TTN: variants seen among roughly 807,000 people sequenced by gnomAD.
The protein encoded by TTN is titin.
TTN carries 1,525 observed loss-of-function variants against 3,223.0 expected under a neutral mutation model. The observed-to-expected ratio is 0.47, with a 90% CI of 0.45 to 0.49. The LOEUF (loss-of-function observed/expected upper bound fraction) is 0.49. Ranked by LOEUF, TTN falls within the 20% of genes least tolerant of loss-of-function variation. TTN has a pLI of 0.00. For missense variants in TTN, 40,786 were observed against 43,424.0 expected (o/e 0.94, Z 5.40); for synonymous variants, 14,094 against 15,161.0 (o/e 0.93, Z 5.17).
Position 178,533,617 on chromosome 2 carries a change from A to G in TTN, c.102998T>C (p.Val34333Ala). Residue 34333 changes from valine to alanine, a missense_variant, in exon 358 of 363, where the codon GTT becomes GCT. Val to Ala is a moderately conservative substitution (Grantham distance 64, BLOSUM62 0). Coordinates refer to ENST00000589042, the MANE Select transcript of TTN (RefSeq NM_001267550.2). Reference sequence around the variant, plus strand: ...TTCACCATATTTGTTCCTTGCCACAACAGTATATTCAGCGTCATCATCTGT... The same window carrying G: ...TTCACCATATTTGTTCCTTGCCACAGCAGTATATTCAGCGTCATCATCTGT... ...VTTDDDAEYT[V>A]VARNKYGEDS... The G allele has an allele frequency of 6.2e-7, 1 of 1,613,986 alleles. No individual in the cohort carries two copies. The highest frequency in any genetic ancestry group is 8.5e-7 in the Non-Finnish European group (1 of 1,179,878).
chr2:178,694,120 G>T, intron 117 of TTN, 112 bp from the exon 118 acceptor site: 1 of 751,388 alleles, frequency 1.3e-6, no homozygotes, highest in Admixed American at 2.8e-5. Context: ...GGGTTAATAT[G>T]GTAGCTTGAG....
Position 178,773,294 on chromosome 2 carries a change from G to A in TTN, c.7670C>T (p.Ser2557Phe). 6.2e-7 allele frequency: 1 copy of A among 1,613,922 alleles called. No homozygotes were observed. The highest frequency in any genetic ancestry group is 8.5e-7 in the Non-Finnish European group (1 of 1,179,974). Residue 2557 changes from serine to phenylalanine, a missense_variant, in exon 33 of 363, where the codon TCC (serine) becomes TTC (phenylalanine). Transcript: ENST00000589042. The part of the protein sequence containing the change: ...TQNVVFEVEL[S>F]HSGIDVLWNF... Reference sequence around the variant, plus strand: ...CCACAGGACATCAATTCCAGAGTGGGACAGCTCAACCTCAAACACCACATT... The same window carrying A: ...CCACAGGACATCAATTCCAGAGTGGAACAGCTCAACCTCAAACACCACATT...
In TTN at chr2:178,572,957, T is replaced by C; in HGVS notation, c.73175A>G (p.Asn24392Ser). Residue 24392 changes from asparagine to serine, a missense_variant, in exon 326 of 363, where the codon AAT becomes AGT. Transcript: ENST00000589042. ...TSYTITGLTENQEYKIRIYAM... is the reference protein window; with the variant it reads ...TSYTITGLTESQEYKIRIYAM... ...ATAGATGCGGATCTTATATTCCTGA[T>C]TCTCTGTGAGGCCAGTGATAGTATA... 1.9e-6 allele frequency: 3 copies of C among 1,613,258 alleles called. No homozygotes were observed. Among genetic ancestry groups the C allele is most frequent in the Non-Finnish European group, 2.5e-6 (3 of 1,179,550 alleles).
Position 178,633,551 on chromosome 2 carries a change from C to T in TTN, c.42808G>A (p.Val14270Ile), listed in dbSNP as rs1187293520. 6.2e-7 allele frequency: 1 copy of T among 1,613,400 alleles called. No individual in the cohort carries two copies. The highest frequency in any genetic ancestry group is 8.5e-7 in the Non-Finnish European group (1 of 1,179,616). ...TTGATAGAATATTTGGGTGAAGGGA[C>T]AATCTCTTCACCATCTTTGAACCAT... ...VKWFKDGEEI[V>I]PSPKYSIKAD... The change falls in exon 232 of 363, where the codon GTC becomes ATC. Residue 14270 changes from valine to isoleucine, a missense_variant. Coordinates refer to ENST00000589042, the MANE Select transcript of TTN (RefSeq NM_001267550.2).
rs778096530 is a variant in TTN, at chr2:178,559,519, G to A, written c.86613C>T (p.Asn28871=). ...AATTCTTCACTGGTGCTCCACCATC[G>A]TTTTCAGGAACATCCCAGGATAACA... ...SAVLSWDVPE[N]DGGAPVKNYH... is the part of the protein sequence containing the mutation. Residue 28871 remains asparagine (N), a synonymous_variant, in exon 326 of 363, where the codon AAC becomes AAT. Transcript: ENST00000589042. 6.2e-6 allele frequency: 10 copies of A among 1,613,584 alleles called. No homozygotes were observed. The highest frequency in any genetic ancestry group is 2.7e-5 in the African/African-American group (2 of 74,888).
chr2:178,610,850 C>T, intron 270 of TTN, 143 bp downstream of exon 270: 1 of 1,042,388 alleles, frequency 9.6e-7, no homozygotes, highest in Non-Finnish European at 1.4e-6. Context: ...TTTACTTCTC[C>T]TATGGAAAGA....
intron 43 of TTN, among the ~76,000 whole-genome samples, chr2:178,762,869 T>C (rs776089551): frequency 1.2e-4 from 19 of 152,214 alleles, no homozygotes; most frequent in Non-Finnish European, 2.4e-4. Context: ...GCCATGCCTA[T>C]AGGTGCTTTA....
intron 38 of TTN, 50 bp downstream of exon 38, chr2:178,768,623 A>G (rs1410855289): frequency 6.2e-7 from 1 of 1,611,954 alleles, no homozygotes; most frequent in Non-Finnish European, 8.5e-7. Flanking sequence ...TAAATTTTAT[A>G]AAGCATGTAT....
In TTN at chr2:178,563,231, G is replaced by A. The variant is rs780363524; in HGVS notation, c.82901C>T (p.Thr27634Ile). 2.9e-5 allele frequency: 47 copies of A among 1,613,548 alleles called. No homozygotes were observed. The highest frequency in any genetic ancestry group is 2.1e-5 in the Non-Finnish European group (25 of 1,179,714). ...TGLQGKQFTV[T>I]KLKENTEYNF... ...ATATTCAGTGTTTTCTTTAAGCTTGGTCACTGTGAACTGCTTTCCTTGTAA... is the reference window on the plus strand; with the variant it reads ...ATATTCAGTGTTTTCTTTAAGCTTGATCACTGTGAACTGCTTTCCTTGTAA... The change falls in exon 326 of 363, where the codon ACC becomes ATC. Residue 27634 changes from threonine (T) to isoleucine (I), a missense_variant. Physicochemically the swap from Thr to Ile is moderately conservative, Grantham distance 89 (BLOSUM62 -1). Coordinates refer to ENST00000589042, the MANE Select transcript of TTN (RefSeq NM_001267550.2). This position sits in a 1 kb window ranked among gnomAD's most constrained non-coding sequence, Gnocchi z 4.5.
rs555978535 is a variant in TTN at position 178,569,392 on chromosome 2, C to T, written c.76740G>A (p.Thr25580=). Reference sequence around the variant, plus strand: ...TTCCACTGCTGTTTTCTAATGTAAGCGTATATTTTCCACTATCATATCGGT... The same window carrying T: ...TTCCACTGCTGTTTTCTAATGTAAGTGTATATTTTCCACTATCATATCGGT... The part of the protein sequence containing the change: ...NVNRYDSGKY[T]LTLENSSGTK... The change falls in exon 326 of 363, where the codon ACG becomes ACA. Residue 25580 remains threonine, a synonymous_variant. Transcript: ENST00000589042. 2.5e-5 allele frequency: 41 copies of T among 1,613,166 alleles called. No individual in the cohort carries two copies. The highest frequency in any genetic ancestry group is 6.7e-5 in the Admixed American group (4 of 59,932).
In TTN at chr2:178,720,440, G is replaced by A; in HGVS notation, c.23322C>T (p.Cys7774=). 1 of 1,613,702 alleles carries A rather than the reference G, an allele frequency of 6.2e-7. No individual in the cohort carries two copies. The highest frequency in any genetic ancestry group is 1.3e-5 in the African/African-American group (1 of 75,032). Residue 7774 remains cysteine, a synonymous_variant, in exon 80 of 363, where the codon TGC becomes TGT. Coordinates refer to ENST00000589042, the MANE Select transcript of TTN (RefSeq NM_001267550.2). Reference sequence around the variant, plus strand: ...CACTTCCCACCTCATTAGTAGCTTTGCAGTGATATTCCCCGACATCGGAGG... The same window carrying A: ...CACTTCCCACCTCATTAGTAGCTTTACAGTGATATTCCCCGACATCGGAGG... ...LEASDVGEYH[C]KATNEVGSDT...
In TTN at chr2:178,730,343, C is replaced by T. The variant is rs755946549; in HGVS notation, c.18057G>A (p.Gln6019=). 1 of 1,606,640 alleles carries T rather than the reference C, an allele frequency of 6.2e-7. No individual in the cohort carries two copies. Among genetic ancestry groups the T allele is most frequent in the Non-Finnish European group, 8.5e-7 (1 of 1,175,930 alleles). Residue 6019 remains glutamine (Q), a synonymous_variant, in exon 62 of 363, where the codon CAG becomes CAA. Transcript: ENST00000589042. Reference sequence around the variant, plus strand: ...TTGTGTTGGGATTGACATCTTGTGACTGTGGCTTTTCCACAAAGTAAGGGG... The same window carrying T: ...TTGTGTTGGGATTGACATCTTGTGATTGTGGCTTTTCCACAAAGTAAGGGG... ...KEPPYFVEKP[Q]SQDVNPNTRV... is the part of the protein sequence containing the mutation.
intron 6 of TTN, among the ~76,000 whole-genome samples, chr2:178,795,515 T>G (rs1205958592): frequency 7.1e-6 from 1 of 141,308 alleles, no homozygotes; most frequent in Non-Finnish European, 1.6e-5. Flanking sequence ...CTTCTCACAT[T>G]AAAAAAAAAA....
At chr2:178,806,540 T>A (rs937879784) in intron 1 of TTN, among the ~76,000 whole-genome samples, 1 of 152,222 alleles carries the variant, frequency 6.6e-6, no homozygotes, top group Non-Finnish European at 1.5e-5. Context: ...AACAATTATA[T>A]CATTTTATTC....
chr2:178,670,895 C>A (rs1342935432), intron 156 of TTN, among the ~76,000 whole-genome samples, 195 bp downstream of exon 156: 1 of 151,898 alleles, frequency 6.6e-6, no homozygotes, highest in African/African-American at 2.4e-5. Context: ...TTAGGTATAA[C>A]AACAGTGACT....
At chr2:178,550,749 A>G (rs1699115183) in intron 336 of TTN, 1 of 554,764 alleles carries the variant, frequency 1.8e-6, no homozygotes, top group Non-Finnish European at 3.1e-6. Context: ...CACTTGCTGC[A>G]TGCTCTTTAT....
Position 178,527,743 on chromosome 2 carries a change from C to G in TTN, c.107383G>C (p.Val35795Leu), listed in dbSNP as rs776693846. 8 of 1,592,498 alleles carry G rather than the reference C, an allele frequency of 5.0e-6. No homozygotes were observed. The East Asian group carries it at 1.8e-4, about 36-fold the overall frequency. ...ACTACCTCTCTGGAAGGTTCTTCAA[C>G]TAGAGCTGTGGAGCATAGCAGATAC... ...ATASLMVLPLVEEPSREVVLR... is the reference protein window; with the variant it reads ...ATASLMVLPLLEEPSREVVLR... Residue 35795 changes from valine to leucine, a missense_variant, in exon 362 of 363, where the codon GTT becomes CTT. Transcript: ENST00000589042.
Position 178,607,391 on chromosome 2 carries a change from C to T in TTN, c.53287+10G>A, listed in dbSNP as rs1233085210. The T allele has an allele frequency of 6.2e-7, 1 of 1,612,818 alleles. No homozygotes were observed. Among genetic ancestry groups the T allele is most frequent in the African/African-American group, 1.3e-5 (1 of 74,836 alleles). On this transcript the variant is annotated intron_variant, in intron 277 of 362. Transcript: ENST00000589042. ...GAAAATCCTGTGAAAATCAGTGCAA[C>T]ATTCCTTACCAAAAACTTCTACCCT... is the stretch of plus-strand genomic sequence containing the variant.
intron 16 of TTN, 22 bp from the exon 17 acceptor site, chr2:178,783,807 T>A (rs758043571): frequency 2.5e-6 from 4 of 1,599,370 alleles, no homozygotes; most frequent in Non-Finnish European, 3.4e-6. Context: ...CAAATTATAT[T>A]ACAAAATGCT....
Sources: allele counts gnomAD v4.1 joint callset (sites outside exome capture counted in the v4.1 genomes callset), GRCh38; gene constraint gnomAD v4.1.1; non-coding constraint Gnocchi (gnomAD v3.1); transcripts MANE v1.5; gene names NCBI Gene and HGNC (gene_info 2026-07-23, HGNC 2026-07-21).